The following GRID2 variants were observed in gnomAD, a reference collection of about 807,000 sequenced individuals.
The protein encoded by GRID2 is glutamate ionotropic receptor delta type subunit 2, also known as glutamate receptor ionotropic, delta-2.
In GRID2, 33 loss-of-function variants were observed where a neutral mutation model predicts 114.8. That is an observed-to-expected ratio of 0.29 (90% confidence interval 0.22 to 0.38). The LOEUF is 0.38. Among genes scored for constraint, GRID2 ranks in the 10% least tolerant of loss-of-function variants. The probability of loss-of-function intolerance (pLI) is 1.00; values close to 1 mark genes in which losing one functional copy is unlikely to be tolerated. For synonymous variants in GRID2, 505 were observed against 449.9 expected (o/e 1.12, Z -1.55); for missense variants, 1,184 against 1,257.7 (o/e 0.94, Z 0.89).
At chr4:92,683,234 G>T (rs1733737077) in intron 2 of GRID2, among the ~76,000 whole-genome samples, 1 of 151,072 alleles carries the variant, frequency 6.6e-6, no homozygotes, top group African/African-American at 2.5e-5. Context: ...AGAAGGCGGA[G>T]CTTGCAGTGA....
chr4:93,332,299 T>TGAGAGAGAGAGAGAGAGA (rs10596544), intron 8 of GRID2, among the ~76,000 whole-genome samples: 9 of 121,028 alleles, frequency 7.4e-5, no homozygotes, highest in South Asian at 2.9e-4. Flanking sequence ...TGTGTGTGTG[T>TGAGAGAGAGAGAGAGAGA]GAGAGAGAGA....
At chr4:93,170,874 A>G (rs1738746110) in intron 4 of GRID2, among the ~76,000 whole-genome samples, 1 of 150,980 alleles carries the variant, frequency 6.6e-6, no homozygotes, top group African/African-American at 2.4e-5. Context: ...TTTAACCTAT[A>G]TGCAATTCAA....
chr4:92,679,280 G>A (rs879813603), intron 2 of GRID2, among the ~76,000 whole-genome samples: 1 of 151,936 alleles, frequency 6.6e-6, no homozygotes, highest in Non-Finnish European at 1.5e-5. Context: ...TCTGTGCACA[G>A]AGAACATCTT....
chr4:93,091,625 T>G (rs1301347945), intron 3 of GRID2, among the ~76,000 whole-genome samples: 2 of 152,130 alleles, frequency 1.3e-5, no homozygotes, highest in Non-Finnish European at 2.9e-5. Context: ...TGATGTCATC[T>G]TTTTTCTCAA....
chr4:92,825,280 C>T (rs1741609862), intron 2 of GRID2, among the ~76,000 whole-genome samples: 1 of 152,082 alleles, frequency 6.6e-6, no homozygotes, highest in Non-Finnish European at 1.5e-5. Flanking sequence ...AAAAAATTCA[C>T]CTTCCATTGG....
intron 12 of GRID2, among the ~76,000 whole-genome samples, chr4:93,491,166 A>T (rs1026087473): frequency 6.6e-6 from 1 of 151,944 alleles, no homozygotes; most frequent in Non-Finnish European, 1.5e-5. Flanking sequence ...TGTCAGAATA[A>T]ATAGTTGAAT....
At chr4:93,337,477 C>T (rs138329752) in intron 8 of GRID2, among the ~76,000 whole-genome samples, 125 of 152,258 alleles carry the variant, frequency 8.2e-4, no homozygotes, top group African/African-American at 2.8e-3. Flanking sequence ...GCTGAGGAAC[C>T]CCAGCCTTAG....
chr4:92,823,141 A>T (rs1741411123), intron 2 of GRID2: 1 of 152,224 alleles, frequency 6.6e-6, no homozygotes, highest in South Asian at 2.1e-4. Context: ...AATTATGTAC[A>T]AAAGTATCTT....
intron 1 of GRID2, among the ~76,000 whole-genome samples, chr4:92,482,003 TATATATATATA>T (rs1318806185): frequency 3.4e-5 from 2 of 59,636 alleles, no homozygotes; most frequent in African/African-American, 5.8e-5. Context: ...TATATATATA[TATATATATATA>T]TATATATATA....
chr4:92,961,461 G>A (rs1392220256), intron 2 of GRID2, among the ~76,000 whole-genome samples: 1 of 150,994 alleles, frequency 6.6e-6, no homozygotes, highest in African/African-American at 2.4e-5. Flanking sequence ...AGAATTTTAG[G>A]TTGATGATAT....
intron 14 of GRID2, among the ~76,000 whole-genome samples, chr4:93,759,359 A>G (rs1003108904): frequency 6.6e-6 from 1 of 152,188 alleles, no homozygotes; most frequent in African/African-American, 2.4e-5. Flanking sequence ...TTCATTTTCT[A>G]CCAAATAACA....
intron 10 of GRID2, among the ~76,000 whole-genome samples, chr4:93,445,207 A>C (rs542723744): frequency 6.6e-6 from 1 of 152,142 alleles, no homozygotes; most frequent in African/African-American, 2.4e-5. Flanking sequence ...TAAAGACATG[A>C]GTTGGAAGCT....
chr4:93,574,869 A>G (rs1487489799), intron 13 of GRID2, among the ~76,000 whole-genome samples: 1 of 152,238 alleles, frequency 6.6e-6, no homozygotes, highest in Non-Finnish European at 1.5e-5. Flanking sequence ...AATAAGGGTT[A>G]TTTCTCAACT....
intron 8 of GRID2, among the ~76,000 whole-genome samples, chr4:93,271,241 A>C (rs1446962816): frequency 6.6e-6 from 1 of 152,156 alleles, no homozygotes; most frequent in East Asian, 1.9e-4. Flanking sequence ...TTCAGGAAGA[A>C]GCTAGCAAAC....
At chr4:93,657,866 A>G (rs1486340979) in intron 14 of GRID2, among the ~76,000 whole-genome samples, 1 of 152,330 alleles carries the variant, frequency 6.6e-6, no homozygotes, top group Admixed American at 6.5e-5. Flanking sequence ...AGAACCCAAT[A>G]CAGCTGCCAA....
intron 1 of GRID2, among the ~76,000 whole-genome samples, chr4:92,575,603 G>T (rs1727848949): frequency 6.6e-6 from 1 of 152,126 alleles, no homozygotes; most frequent in Admixed American, 6.6e-5. Context: ...TCCCAAACCT[G>T]GAGGTATCAA....
At chr4:93,043,762 G>C (rs756884408) in intron 2 of GRID2, among the ~76,000 whole-genome samples, 1 of 151,644 alleles carries the variant, frequency 6.6e-6, no homozygotes, top group Non-Finnish European at 1.5e-5. Context: ...GGGGCCTGTC[G>C]TGGGGTGGGG....
chr4:93,419,570 C>T lies in GRID2; in HGVS notation c.1348-3201C>T, dbSNP rs147558997. 6.0e-3 allele frequency among the ~76,000 whole-genome samples: 917 copies of T among 152,106 alleles called. 6 individuals carry two copies. The highest frequency in any genetic ancestry group is 0.021 in the African/African-American group (867 of 41,536). ...GAGCTTAAAACTAAAGCTTTAAAAA[C>T]ATTGATCCAGATGAAGAATGATAGG... On this transcript the variant is annotated intron_variant, in intron 9 of 15. Transcript: ENST00000282020.
intron 1 of GRID2, among the ~76,000 whole-genome samples, chr4:92,335,616 TCTTA>T (rs1727124724): frequency 1.3e-5 from 2 of 152,202 alleles, no homozygotes; most frequent in African/African-American, 2.4e-5. Context: ...AAGCACTTTT[TCTTA>T]CTTATGCAAT....
Sources: gnomAD v4.1 joint callset for allele counts (sites outside exome capture counted in the v4.1 genomes callset) on GRCh38, gnomAD v4.1.1 for gene constraint, MANE v1.5 for transcripts, NCBI Gene and HGNC (gene_info 2026-07-23, HGNC 2026-07-21) for gene names.